The following ZDHHC3 variants were observed in gnomAD, a reference collection of about 807,000 sequenced individuals.
ZDHHC3 encodes the protein zDHHC palmitoyltransferase 3.
In ZDHHC3, 9 loss-of-function variants were observed where a neutral mutation model predicts 30.6. The ratio of observed to expected loss-of-function variants is 0.29; its 90% CI spans 0.18 to 0.51. ZDHHC3 has a LOEUF of 0.51. ZDHHC3 is among the 20% of genes least tolerant of loss of function. The pLI is 0.97. For synonymous variants in ZDHHC3, 136 were observed against 140.2 expected, an observed-to-expected ratio of 0.97 and a Z score of 0.21; for missense variants, 246 against 384.2, an observed-to-expected ratio of 0.64 and a Z score of 3.01.
chr3:44,931,656 G>A (rs1464779064), intron 5 of ZDHHC3, among the ~76,000 whole-genome samples: 3 of 152,144 alleles, frequency 2.0e-5, no homozygotes, highest in African/African-American at 7.2e-5. Context: ...TAGAAGCTGG[G>A]TGCCTGAAGC....
chr3:44,937,018 T>A (rs1194293935), intron 3 of ZDHHC3, among the ~76,000 whole-genome samples: 1 of 152,014 alleles, frequency 6.6e-6, no homozygotes, highest in Non-Finnish European at 1.5e-5. Flanking sequence ...TCATTGACAA[T>A]TTTTTTTCAA....
rs1319395239 is a variant in ZDHHC3 at position 44,925,542 on chromosome 3, G to T, written c.*1147C>A. 3 of 985,344 alleles carry T rather than the reference G, an allele frequency of 3.0e-6. No individual in the cohort carries two copies. The African/African-American group carries it at 5.2e-5, about 17-fold the overall frequency. The allele number at this position is 985,344 out of a possible 1,614,324, so 61.0% of individuals were successfully genotyped here. On this transcript the variant is annotated 3_prime_UTR_variant, in exon 7 of 7. Coordinates refer to ENST00000424952, the MANE Select transcript of ZDHHC3 (RefSeq NM_001135179.2). ...CAAATGGAAAATCTATTCTGTCCCA[G>T]TGCCACAGGCTTAGGTGTGTCTGTG...
intron 2 of ZDHHC3, among the ~76,000 whole-genome samples, chr3:44,951,081 A>G (rs1703408545): frequency 6.6e-6 from 1 of 152,238 alleles, no homozygotes; most frequent in African/African-American, 2.4e-5. Flanking sequence ...TGATCACCCA[A>G]GACAAGTACT....
At chr3:44,961,495 G>A (rs942419147) in intron 1 of ZDHHC3, among the ~76,000 whole-genome samples, 2 of 152,194 alleles carry the variant, frequency 1.3e-5, no homozygotes. Flanking sequence ...CTATCCAGAG[G>A]ACAGTGGCAA....
At position 44,920,390 on chromosome 3, in the gene ZDHHC3, A is replaced by G; in HGVS notation, c.*6299T>C. ...AGCACGAGAGCTGGGACATCACCAT[A>G]TGGCAGACCCGGCTACAGAGGAAAC... is the stretch of plus-strand genomic sequence containing the variant. On this transcript the variant is annotated 3_prime_UTR_variant, in exon 7 of 7. Coordinates refer to ENST00000424952, the MANE Select transcript of ZDHHC3 (RefSeq NM_001135179.2). 1 of 1,283,244 alleles carries G rather than the reference A, an allele frequency of 7.8e-7. No individual in the cohort carries two copies. Among genetic ancestry groups the G allele is most frequent in the South Asian group, 1.2e-5 (1 of 80,874 alleles). The allele number at this position is 1,283,244 out of a possible 1,614,324, so 79.5% of individuals were successfully genotyped here. A position where few individuals can be genotyped will look rare whatever the true frequency, so the allele number is the denominator to read the frequency against.
At chr3:44,929,140 G>A (rs2125813009) in intron 6 of ZDHHC3, among the ~76,000 whole-genome samples, 166 bp downstream of exon 6, 1 of 152,322 alleles carries the variant, frequency 6.6e-6, no homozygotes, top group South Asian at 2.1e-4. Flanking sequence ...ACTTGTGTGT[G>A]GATGAAGATG....
intron 1 of ZDHHC3, among the ~76,000 whole-genome samples, chr3:44,972,898 G>A (rs1705521698): frequency 6.6e-6 from 1 of 152,180 alleles, no homozygotes; most frequent in East Asian, 1.9e-4. Flanking sequence ...ATGGCATACG[G>A]TTGGAATCTG....
chr3:44,918,440 C>G lies in ZDHHC3; in HGVS notation c.*8249G>C, dbSNP rs894280463. 2.2e-5 allele frequency: 22 copies of G among 985,316 alleles called. No individual in the cohort carries two copies. The highest frequency in any genetic ancestry group is 1.4e-4 in the African/African-American group (8 of 57,246). The allele number at this position is 985,316 out of a possible 1,614,324, so 61.0% of individuals were successfully genotyped here. ...CCAGCCCTCCCCTTCTTTCCTTCCA[C>G]AAGTGCAATGCCAGATGATGGGCAG... On this transcript the variant is annotated 3_prime_UTR_variant, in exon 7 of 7. Coordinates refer to ENST00000424952, the MANE Select transcript of ZDHHC3 (RefSeq NM_001135179.2).
At chr3:44,937,561 T>TG (rs1245202902) in intron 3 of ZDHHC3, 23 of 147,464 alleles carry the variant, frequency 1.6e-4, no homozygotes, top group African/African-American at 5.4e-4. Flanking sequence ...TTTTTTTTTT[T>TG]TTTTTTTTTT....
At chr3:44,929,500 GCCC>G (rs1367563446) in intron 5 of ZDHHC3, 64 bp from the exon 6 acceptor site, 16 of 1,588,222 alleles carry the variant, frequency 1.0e-5, no homozygotes, top group Middle Eastern at 1.7e-4. Context: ...CAGGCTCACT[GCCC>G]CACTAGGCGC....
At chr3:44,969,657 A>G (rs1281499582) in intron 1 of ZDHHC3, 1 of 152,126 alleles carries the variant, frequency 6.6e-6, no homozygotes, top group Non-Finnish European at 1.5e-5. Flanking sequence ...GGCATTATCG[A>G]GTGGGCTGCA....
chr3:44,922,087 T>C lies in ZDHHC3; in HGVS notation c.*4602A>G, dbSNP rs1700634256. 3.0e-6 allele frequency: 3 copies of C among 985,388 alleles called. No individual in the cohort carries two copies. The highest frequency in any genetic ancestry group is 3.6e-6 in the Non-Finnish European group (3 of 829,918). The allele number at this position is 985,388 out of a possible 1,614,324, so 61.0% of individuals were successfully genotyped here. ...GAGGGAGAGGGTGAGAAAAAGAAGG[T>C]TCAGGTTGGGAGTACGCTGGTCAGT... On this transcript the variant is annotated 3_prime_UTR_variant, in exon 7 of 7. Transcript: ENST00000424952.
At chr3:44,975,525 G>C (rs1422039902) in intron 1 of ZDHHC3, 1 of 152,224 alleles carries the variant, frequency 6.6e-6, no homozygotes, top group African/African-American at 2.4e-5. Context: ...GACAGCGTTC[G>C]GTCACAGAGA....
At position 44,920,096 on chromosome 3, in the gene ZDHHC3, A is replaced by T; in HGVS notation, c.*6593T>A. The T allele has an allele frequency of 2.5e-6, 3 of 1,212,082 alleles. No individual in the cohort carries two copies. The highest frequency in any genetic ancestry group is 2.4e-4 in the Middle Eastern group (1 of 4,176). The allele number at this position is 1,212,082 out of a possible 1,614,324, so 75.1% of individuals were successfully genotyped here. On this transcript the variant is annotated 3_prime_UTR_variant, in exon 7 of 7. Coordinates refer to ENST00000424952, the MANE Select transcript of ZDHHC3 (RefSeq NM_001135179.2). ...TTTATTTCTGTAGACTTCTCACACA[A>T]TCCAAGTTTTACCAATGAGCCAATG...
At chr3:44,926,921 G>T in intron 6 of ZDHHC3, 74 bp from the exon 7 acceptor site, 1 of 1,501,122 alleles carries the variant, frequency 6.7e-7, no homozygotes, top group African/African-American at 1.4e-5. Flanking sequence ...TGTCCGCAGC[G>T]ACAGGTGAAT....
At chr3:44,929,756 G>A (rs1372381752) in intron 5 of ZDHHC3, among the ~76,000 whole-genome samples, 1 of 152,232 alleles carries the variant, frequency 6.6e-6, no homozygotes, top group Non-Finnish European at 1.5e-5. Flanking sequence ...GGCCTCTGAA[G>A]TGAGGCATGA....
chr3:44,960,216 T>C (rs1180564691), intron 1 of ZDHHC3, among the ~76,000 whole-genome samples: 1 of 152,198 alleles, frequency 6.6e-6, no homozygotes. Context: ...GATGTTTTCC[T>C]ACCACCTGGC....
At position 44,919,293 on chromosome 3, in the gene ZDHHC3, C is replaced by T. The variant is rs1019043019; in HGVS notation, c.*7396G>A. ...GCCTCCTGATACGGTGCAACGAGGA[C>T]ACATTGCTTCAGCAGTGCTCCTGCC... On this transcript the variant is annotated 3_prime_UTR_variant, in exon 7 of 7. Transcript: ENST00000424952. The T allele has an allele frequency of 5.2e-6, 1 of 191,976 alleles. No homozygotes were observed. The highest frequency in any genetic ancestry group is 6.5e-5 in the Admixed American group (1 of 15,304). The allele number at this position is 191,976 out of a possible 1,614,324, so 11.9% of individuals were successfully genotyped here.
At chr3:44,927,666 G>T (rs190225464) in intron 6 of ZDHHC3, among the ~76,000 whole-genome samples, 4 of 152,360 alleles carry the variant, frequency 2.6e-5, no homozygotes, top group African/African-American at 7.2e-5. Flanking sequence ...CTAAGTCTCA[G>T]GAAAAAACTG....
Sources: gnomAD v4.1 joint callset for allele counts (sites outside exome capture counted in the v4.1 genomes callset) on GRCh38, gnomAD v4.1.1 for gene constraint, MANE v1.5 for transcripts, NCBI Gene and HGNC (gene_info 2026-07-23, HGNC 2026-07-21) for gene names.